CHLSN: variants seen among roughly 807,000 people sequenced by gnomAD.
CHLSN encodes the protein protein cholesin.
chr7:1,053,076 G>A, the CHLSN span, among the ~76,000 whole-genome samples: 3 of 152,240 alleles, frequency 2.0e-5, no homozygotes, highest in Non-Finnish European at 4.4e-5. Context: ...CCCAGTGGGG[G>A]GAGAAGCCAG....
At chr7:1,023,197 G>A in the CHLSN span, among the ~76,000 whole-genome samples, 1 of 152,232 alleles carries the variant, frequency 6.6e-6, no homozygotes, top group African/African-American at 2.4e-5. This position sits in a 1 kb window ranked among gnomAD's most constrained non-coding sequence, Gnocchi z 5.0. Flanking sequence ...GCAGATGTGG[G>A]CATCCGAGTA....
the CHLSN span, among the ~76,000 whole-genome samples, chr7:1,071,727 G>A: frequency 5.3e-5 from 8 of 152,196 alleles, no homozygotes; most frequent in African/African-American, 1.7e-4. Context: ...TATGATGCAC[G>A]CCCACCTCAG....
the CHLSN span, among the ~76,000 whole-genome samples, chr7:1,020,161 G>T: frequency 6.6e-6 from 1 of 152,356 alleles, no homozygotes; most frequent in African/African-American, 2.4e-5. Context: ...CAGGCCCCGC[G>T]TGCGATGCCC....
the CHLSN span, among the ~76,000 whole-genome samples, chr7:1,086,117 G>A: frequency 6.6e-6 from 1 of 152,220 alleles, no homozygotes; most frequent in Admixed American, 6.5e-5. Context: ...CCCGCCCAGG[G>A]CAGGCTCCCC....
chr7:1,108,248 A>G, the CHLSN span, among the ~76,000 whole-genome samples: 462 of 66,640 alleles, frequency 6.9e-3, 24 homozygotes, highest in East Asian at 0.028. Context: ...GAAGCAGAGG[A>G]GGGCTGTGTC....
the CHLSN span, among the ~76,000 whole-genome samples, chr7:994,292 G>A: frequency 6.6e-6 from 1 of 151,080 alleles, no homozygotes; most frequent in South Asian, 2.1e-4. Flanking sequence ...TGAGTAGCTG[G>A]GATCACTACA....
At chr7:1,036,236 A>G in the CHLSN span, among the ~76,000 whole-genome samples, 1 of 152,142 alleles carries the variant, frequency 6.6e-6, no homozygotes, top group African/African-American at 2.4e-5. Flanking sequence ...CCATACCAAG[A>G]GGGGCCCCCC....
chr7:1,127,789 GCA>G, the CHLSN span, among the ~76,000 whole-genome samples: 1 of 66,206 alleles, frequency 1.5e-5, no homozygotes, highest in African/African-American at 1.4e-4. Flanking sequence ...GAGTGCAGTG[GCA>G]CGATCTCGGC....
the CHLSN span, among the ~76,000 whole-genome samples, chr7:1,016,140 CACACA>C: frequency 4.0e-5 from 4 of 100,872 alleles, no homozygotes; most frequent in Admixed American, 3.1e-4. Flanking sequence ...CACACGCCAG[CACACA>C]GCAGCACACG....
chr7:984,951 C>A, the CHLSN span: 4 of 1,597,378 alleles, frequency 2.5e-6, no homozygotes, highest in Middle Eastern at 1.9e-4. Context: ...TGCCTACAGG[C>A]ATCTTCTTCT....
the CHLSN span, among the ~76,000 whole-genome samples, chr7:1,053,156 T>TGGGCACAGAGGCAAGTGGG: frequency 0.012 from 1,861 of 152,276 alleles, 65 homozygotes; most frequent in East Asian, 0.13. Flanking sequence ...AGGAAGTCTC[T>TGGGCACAGAGGCAAGTGGG]GGGCACAGAG....
At chr7:1,127,439 A>C in the CHLSN span, 2 of 1,518,992 alleles carry the variant, frequency 1.3e-6, no homozygotes, top group Non-Finnish European at 1.8e-6. Flanking sequence ...GGCTTAACTC[A>C]TGTAAGATTT....
chr7:1,009,000 C>G, the CHLSN span, among the ~76,000 whole-genome samples: 1 of 49,500 alleles, frequency 2.0e-5, no homozygotes, highest in Non-Finnish European at 4.1e-5. Flanking sequence ...CACACATACA[C>G]GCACACACAC....
chr7:1,061,478 G>A, the CHLSN span, among the ~76,000 whole-genome samples: 8 of 151,646 alleles, frequency 5.3e-5, no homozygotes, highest in Admixed American at 2.0e-4. Context: ...TCCACTGAGC[G>A]CCAAGGCCTC....
chr7:1,078,412 C>T, the CHLSN span, among the ~76,000 whole-genome samples: 1 of 152,090 alleles, frequency 6.6e-6, no homozygotes, highest in African/African-American at 2.4e-5. Flanking sequence ...AAGGGGGCCC[C>T]ATGAGGCCTG....
chr7:1,012,288 G>A, the CHLSN span, among the ~76,000 whole-genome samples: 1 of 152,246 alleles, frequency 6.6e-6, no homozygotes, highest in African/African-American at 2.4e-5. Flanking sequence ...AGGGCCCTGT[G>A]GTAGGGTCCC....
the CHLSN span, among the ~76,000 whole-genome samples, chr7:1,129,277 G>C: frequency 5.4e-4 from 11 of 20,332 alleles, no homozygotes; most frequent in African/African-American, 1.5e-3. Flanking sequence ...GCAGTGGCGC[G>C]ATCTCGGCTC....
At chr7:982,742 A>G in the CHLSN span, among the ~76,000 whole-genome samples, 2 of 152,280 alleles carry the variant, frequency 1.3e-5, no homozygotes, top group African/African-American at 2.4e-5. Context: ...GTGCACACGG[A>G]TGGGGTTTGG....
the CHLSN span, among the ~76,000 whole-genome samples, chr7:1,121,855 C>T: frequency 1.8e-3 from 280 of 151,936 alleles, 1 homozygote; most frequent in African/African-American, 6.2e-3. Context: ...GCGTGCTGCA[C>T]CCACCCACTG....
Sources: gnomAD v4.1 joint callset for allele counts (sites outside exome capture counted in the v4.1 genomes callset) on GRCh38, gnomAD v4.1.1 for gene constraint, Gnocchi (gnomAD v3.1) non-coding constraint, MANE v1.5 for transcripts, NCBI Gene and HGNC (gene_info 2026-07-23, HGNC 2026-07-21) for gene names.